The following MEF2C variants were observed in gnomAD, a reference collection of about 807,000 sequenced individuals.
MEF2C encodes the protein myocyte-specific enhancer factor 2C.
A neutral mutation model predicts 50.5 loss-of-function variants in MEF2C; 6 were observed. That is an observed-to-expected ratio of 0.12 (90% CI 0.07 to 0.23). MEF2C has a LOEUF of 0.23. MEF2C is among the 10% of genes least tolerant of loss of function. The probability of loss-of-function intolerance (pLI) is 1.00; values close to 1 mark genes in which losing one functional copy is unlikely to be tolerated. For missense variants in MEF2C, 276 were observed against 605.0 expected, an observed-to-expected ratio of 0.46 and a Z score of 5.70; for synonymous variants, 183 against 228.0, an observed-to-expected ratio of 0.80 and a Z score of 1.78.
At chr5:88,723,072 G>T in intron 10 of MEF2C, 147 bp from the exon 11 acceptor site, 1 of 727,536 alleles carries the variant, frequency 1.4e-6, no homozygotes, top group Non-Finnish European at 2.2e-6. Flanking sequence ...GCACATAAGG[G>T]CATCGCCTTC....
chr5:88,879,378 T>C (rs934447269), intron 1 of MEF2C, among the ~76,000 whole-genome samples: 1 of 103,264 alleles, frequency 9.7e-6, no homozygotes. Flanking sequence ...ATGAAATATA[T>C]ATATTATATA....
intron 1 of MEF2C, among the ~76,000 whole-genome samples, chr5:88,875,350 T>G (rs962540100): frequency 6.6e-6 from 1 of 152,022 alleles, no homozygotes; most frequent in Non-Finnish European, 1.5e-5. Flanking sequence ...ATAAAAATTT[T>G]TGCAGCACCA....
At chr5:88,779,479 G>T (rs1786630978) in intron 3 of MEF2C, among the ~76,000 whole-genome samples, 1 of 152,068 alleles carries the variant, frequency 6.6e-6, no homozygotes, top group African/African-American at 2.4e-5. Context: ...ATCAATGAAA[G>T]TTTTGTTGAT....
intron 1 of MEF2C, among the ~76,000 whole-genome samples, chr5:88,882,384 A>G (rs934014169): frequency 3.9e-5 from 6 of 152,212 alleles, no homozygotes; most frequent in African/African-American, 9.7e-5. Flanking sequence ...GTCCACACCA[A>G]TTAAGAAGCC....
At chr5:88,825,472 T>C (rs1581256377) in intron 1 of MEF2C, 1 of 983,086 alleles carries the variant, frequency 1.0e-6, no homozygotes, top group Non-Finnish European at 1.2e-6. Context: ...TCAAAAACTA[T>C]TGCTCCAGCT....
intron 1 of MEF2C, among the ~76,000 whole-genome samples, chr5:88,856,187 A>G (rs1047202510): frequency 3.3e-5 from 5 of 152,212 alleles, no homozygotes; most frequent in Non-Finnish European, 7.4e-5. Flanking sequence ...CTCCTGACCT[A>G]GAGATCTGTG....
intron 3 of MEF2C, among the ~76,000 whole-genome samples, chr5:88,800,025 T>G (rs1346329683): frequency 6.6e-6 from 1 of 152,116 alleles, no homozygotes; most frequent in African/African-American, 2.4e-5. Context: ...TCTCTGAATT[T>G]CCTAGAGAGC....
At chr5:88,762,358 A>G (rs1443518628) in intron 3 of MEF2C, among the ~76,000 whole-genome samples, 1 of 152,002 alleles carries the variant, frequency 6.6e-6, no homozygotes, top group East Asian at 1.9e-4. Context: ...GCTCACTACA[A>G]CCTCTGCCTT....
chr5:88,849,148 C>T (rs1367111964), intron 1 of MEF2C, among the ~76,000 whole-genome samples: 3 of 84,338 alleles, frequency 3.6e-5, no homozygotes, highest in African/African-American at 9.6e-5. Context: ...GAGACTTTGT[C>T]TCAAAAAAAA....
At chr5:88,742,618 C>A (rs904854602) in intron 6 of MEF2C, 23 of 985,262 alleles carry the variant, frequency 2.3e-5, no homozygotes, top group Non-Finnish European at 2.8e-5. Flanking sequence ...CTAAAATTTT[C>A]TTTTTTTCCT....
chr5:88,766,128 T>C (rs141411543), intron 3 of MEF2C, among the ~76,000 whole-genome samples: 1 of 152,222 alleles, frequency 6.6e-6, no homozygotes, highest in African/African-American at 2.4e-5. Flanking sequence ...TGTGGACATA[T>C]GGACCCTGCA....
At chr5:88,739,516 C>T in intron 6 of MEF2C, 1 of 978,216 alleles carries the variant, frequency 1.0e-6, no homozygotes. Context: ...CTCAAATGAA[C>T]ATACATCTTT....
intron 3 of MEF2C, among the ~76,000 whole-genome samples, 171 bp from the exon 4 acceptor site, chr5:88,761,499 A>G (rs1275779901): frequency 6.6e-6 from 1 of 152,246 alleles, no homozygotes; most frequent in Non-Finnish European, 1.5e-5. Flanking sequence ...AGTGCTCATC[A>G]GCAGTTTAAA....
At chr5:88,799,124 G>A (rs1033517218) in intron 3 of MEF2C, among the ~76,000 whole-genome samples, 1 of 152,226 alleles carries the variant, frequency 6.6e-6, no homozygotes, top group African/African-American at 2.4e-5. Flanking sequence ...CGGGGGGTCA[G>A]GGACCCACTT....
intron 1 of MEF2C, among the ~76,000 whole-genome samples, chr5:88,902,394 A>G (rs1354642305): frequency 6.6e-6 from 1 of 151,880 alleles, no homozygotes; most frequent in East Asian, 1.9e-4. Flanking sequence ...AATAAAAAGT[A>G]TATTTGGGTT....
At chr5:88,894,240 G>A (rs1470066785) in intron 1 of MEF2C, among the ~76,000 whole-genome samples, 3 of 151,896 alleles carry the variant, frequency 2.0e-5, no homozygotes, top group Non-Finnish European at 4.4e-5. Flanking sequence ...ACCTGCCCAG[G>A]GCCACATAGT....
chr5:88,742,689 A>G, intron 6 of MEF2C: 1 of 985,352 alleles, frequency 1.0e-6, no homozygotes, highest in Non-Finnish European at 1.2e-6. Context: ...ATATTTTACA[A>G]CATCCTGACT....
At chr5:88,885,274 C>A (rs1334335515), upstream of MEF2C, among the ~76,000 whole-genome samples, 3 of 152,100 alleles carry the variant, frequency 2.0e-5, no homozygotes, top group Non-Finnish European at 4.4e-5. Flanking sequence ...AGAAGAGTGG[C>A]CTCAACATTT....
intron 4 of MEF2C, among the ~76,000 whole-genome samples, chr5:88,756,563 T>C (rs560102840): frequency 3.3e-5 from 5 of 152,378 alleles, no homozygotes; most frequent in Admixed American, 2.6e-4. Context: ...CCAGGTTATG[T>C]AATAAATTGC....
Sources: allele counts gnomAD v4.1 joint callset (sites outside exome capture counted in the v4.1 genomes callset), GRCh38; gene constraint gnomAD v4.1.1; transcripts MANE v1.5; gene names NCBI Gene and HGNC (gene_info 2026-07-23, HGNC 2026-07-21).